ZFR: variants seen among roughly 807,000 people sequenced by gnomAD.
The protein encoded by ZFR is zinc finger RNA binding protein.
A neutral mutation model predicts 130.7 loss-of-function variants in ZFR; 19 were observed. The observed-to-expected ratio is 0.15, with a 90% CI of 0.10 to 0.21. ZFR has a LOEUF of 0.21. ZFR is among the 10% of genes least tolerant of loss of function. The pLI is 1.00. For synonymous variants in ZFR, 466 were observed against 456.9 expected (o/e 1.02, Z -0.25); for missense variants, 872 against 1,321.5 (o/e 0.66, Z 5.27).
At chr5:32,413,196 A>C (rs962331085) in intron 5 of ZFR, among the ~76,000 whole-genome samples, 16 of 151,662 alleles carry the variant, frequency 1.1e-4, no homozygotes, top group East Asian at 3.9e-4. Flanking sequence ...TAATCTCAAA[A>C]AAAACAAAAC....
At chr5:32,408,415 T>C (rs1581702050) in intron 5 of ZFR, among the ~76,000 whole-genome samples, 2 of 152,108 alleles carry the variant, frequency 1.3e-5, no homozygotes, top group African/African-American at 4.8e-5. Flanking sequence ...AGATAATTCA[T>C]AAAGTTACAT....
intron 1 of ZFR, 111 bp downstream of exon 1, chr5:32,444,511 G>T: frequency 7.5e-7 from 1 of 1,335,126 alleles, no homozygotes; most frequent in Non-Finnish European, 9.7e-7. Context: ...CGCACGCCCG[G>T]GTGGCGGCCG....
chr5:32,441,718 G>A (rs1754479549), intron 2 of ZFR, among the ~76,000 whole-genome samples: 1 of 152,176 alleles, frequency 6.6e-6, no homozygotes, highest in Admixed American at 6.5e-5. Context: ...TGTTATTAAT[G>A]TTATTCATTC....
At chr5:32,424,654 G>C (rs1754031847) in intron 2 of ZFR, among the ~76,000 whole-genome samples, 1 of 152,084 alleles carries the variant, frequency 6.6e-6, no homozygotes, top group Non-Finnish European at 1.5e-5. Flanking sequence ...TGGTATAAAA[G>C]AGGAAAAAAT....
At position 32,397,667 on chromosome 5, in the gene ZFR, G is replaced by C. The variant is rs1230571046; in HGVS notation, c.1714-329C>G. ...AGTAGAGACAGGGTTTCACCATGTT[G>C]GCCAGGCTGGTCTCAAACTCCTTGT... is the stretch of plus-strand genomic sequence containing the variant. On this transcript the variant is annotated intron_variant, in intron 9 of 19. Transcript: ENST00000265069. Among the ~76,000 whole-genome samples the C allele has an allele frequency of 3.9e-5, 6 of 151,922 alleles. No homozygotes were observed. In the South Asian group the frequency reaches 1.2e-3, roughly 32 times the overall value.
chr5:32,429,227 C>G lies in ZFR; in HGVS notation c.138-9124G>C, dbSNP rs572645412. On this transcript the variant is annotated intron_variant, in intron 2 of 19. Coordinates refer to ENST00000265069, the MANE Select transcript of ZFR (RefSeq NM_016107.5). Reference sequence around the variant, plus strand: ...GGTCTCGATCTCCTGACCTCGTGATCTGCCCGGCTTGGCCTCCCAAAGCGC... The same window carrying G: ...GGTCTCGATCTCCTGACCTCGTGATGTGCCCGGCTTGGCCTCCCAAAGCGC... 4.4e-4 allele frequency among the ~76,000 whole-genome samples: 67 copies of G among 152,270 alleles called. 2 individuals carry two copies. Among genetic ancestry groups the G allele is most frequent in the African/African-American group, 1.6e-3 (65 of 41,552 alleles).
intron 2 of ZFR, among the ~76,000 whole-genome samples, chr5:32,438,253 A>ATTCT (rs1754385745): frequency 1.6e-5 from 1 of 61,046 alleles, no homozygotes; most frequent in African/African-American, 7.2e-5. Flanking sequence ...TTATCTGAAA[A>ATTCT]TTTTTTTTTT....
chr5:32,361,872 C>T (rs1752442640), intron 19 of ZFR, among the ~76,000 whole-genome samples: 1 of 152,140 alleles, frequency 6.6e-6, no homozygotes, highest in African/African-American at 2.4e-5. Context: ...CCTTGACCTC[C>T]TTAAGTGCTG....
At chr5:32,420,783 A>G (rs1269891606) in intron 2 of ZFR, among the ~76,000 whole-genome samples, 3 of 152,266 alleles carry the variant, frequency 2.0e-5, no homozygotes, top group Admixed American at 6.5e-5. Flanking sequence ...ACAGCCGTGC[A>G]TAACAAAGAA....
chr5:32,359,727 G>A (rs571734389), intron 19 of ZFR, among the ~76,000 whole-genome samples: 1 of 152,254 alleles, frequency 6.6e-6, no homozygotes, highest in South Asian at 2.1e-4. Flanking sequence ...AAGGTGGGTG[G>A]ACCACGAGGT....
intron 1 of ZFR, 131 bp downstream of exon 1, chr5:32,444,491 C>T: frequency 1.5e-6 from 2 of 1,301,874 alleles, no homozygotes; most frequent in African/African-American, 1.6e-5. Flanking sequence ...CTCGCACTCC[C>T]TCACTCACTC....
Position 32,379,109 on chromosome 5 carries a change from A to G in ZFR, c.2835+6T>C. On this transcript the variant is annotated splice_donor_region_variant and intron_variant, in intron 17 of 19. Transcript: ENST00000265069. ...TTTTTACACCATACAGTTACGTACT[A>G]CTTACCCAGCTTGGAAAATCAGACC... 2.5e-6 allele frequency: 4 copies of G among 1,606,866 alleles called. No homozygotes were observed. In the South Asian group the frequency reaches 3.3e-5, roughly 13 times the overall value.
chr5:32,403,156 G>A lies in ZFR; in HGVS notation c.1466C>T (p.Pro489Leu). ...TGTTTTCTTGGCAGCCATATTTGTA[G>A]GCACTGCTGATACTTTAGTGTTAGA... Reference protein sequence around the residue: ...STSNTKVSAVPTNMAAKKTST... With the variant: ...STSNTKVSAVLTNMAAKKTST... Residue 489 changes from proline (P) to leucine (L), a missense_variant, in exon 8 of 20, where the codon CCT (proline) becomes CTT (leucine). Physicochemically the swap from Pro to Leu is moderately conservative, Grantham distance 98. Coordinates refer to ENST00000265069, the MANE Select transcript of ZFR (RefSeq NM_016107.5). The A allele has an allele frequency of 6.2e-7, 1 of 1,614,136 alleles. No homozygotes were observed.
intron 2 of ZFR, among the ~76,000 whole-genome samples, chr5:32,429,416 A>G (rs962748552): frequency 6.6e-6 from 1 of 152,112 alleles, no homozygotes; most frequent in African/African-American, 2.4e-5. Flanking sequence ...TGTCTCCACT[A>G]AAAAATACAA....
At chr5:32,424,359 G>A (rs1015073670) in intron 2 of ZFR, among the ~76,000 whole-genome samples, 16 of 152,088 alleles carry the variant, frequency 1.1e-4, no homozygotes, top group Middle Eastern at 3.4e-3. Context: ...GTGAAAGCCC[G>A]TCTCTATTAA....
rs753186200 is a variant in ZFR, at chr5:32,387,609, T to A, written c.2439A>T (p.Ser813=). The change falls in exon 14 of 20, where the codon TCA becomes TCT. Residue 813 remains serine, a synonymous_variant. Transcript: ENST00000265069. ...TTAATAATGTCTTTGAAGGTTTCTCTGAGCACAGCAAAACAAGGTTGACAT... is the reference window on the plus strand; with the variant it reads ...TTAATAATGTCTTTGAAGGTTTCTCAGAGCACAGCAAAACAAGGTTGACAT... ...DRNVNLVLLC[S]EKPSKTLLSR... The A allele has an allele frequency of 1.2e-6, 2 of 1,613,686 alleles. No individual in the cohort carries two copies. Among genetic ancestry groups the A allele is most frequent in the South Asian group, 2.2e-5 (2 of 91,018 alleles).
At chr5:32,437,240 C>T (rs989332689) in intron 2 of ZFR, among the ~76,000 whole-genome samples, 2 of 152,110 alleles carry the variant, frequency 1.3e-5, no homozygotes, top group South Asian at 2.1e-4. Context: ...ATTATAATGG[C>T]ATAGTTATTT....
At chr5:32,443,433 C>T (rs1409326517) in intron 2 of ZFR, among the ~76,000 whole-genome samples, 1 of 152,258 alleles carries the variant, frequency 6.6e-6, no homozygotes, top group Non-Finnish European at 1.5e-5. Context: ...AGGGGAAAGA[C>T]CCCCGCAAGG....
Position 32,436,268 on chromosome 5 carries a change from C to T in ZFR, c.137+7961G>A, listed in dbSNP as rs187029380. Among the ~76,000 whole-genome samples, 5 of 150,490 alleles carry T rather than the reference C, an allele frequency of 3.3e-5. No individual in the cohort carries two copies. The Admixed American group carries it at 3.3e-4, about 10-fold the overall frequency. On this transcript the variant is annotated intron_variant, in intron 2 of 19. Transcript: ENST00000265069. ...GGTTCACACCATTCTCCTGCCTCGG[C>T]CTCCCGAGTAGCTGGGACTACAGGC...
Sources: gnomAD v4.1 joint callset for allele counts (sites outside exome capture counted in the v4.1 genomes callset) on GRCh38, gnomAD v4.1.1 for gene constraint, MANE v1.5 for transcripts, NCBI Gene and HGNC (gene_info 2026-07-23, HGNC 2026-07-21) for gene names.